CHSY3: variants seen among roughly 807,000 people sequenced by gnomAD.
CHSY3 encodes the protein N-acetylgalactosaminyl-proteoglycan 3-beta-glucuronosyltransferase 3.
A neutral mutation model predicts 67.2 loss-of-function variants in CHSY3; 35 were observed. That is an observed-to-expected ratio of 0.52 (90% CI 0.40 to 0.69). The LOEUF (loss-of-function observed/expected upper bound fraction) is 0.69, where lower values mean the gene tolerates loss of function less well. Among genes scored for constraint, CHSY3 ranks in the 30% least tolerant of loss-of-function variants. The pLI, the probability that CHSY3 is intolerant of heterozygous loss-of-function variation, is 0.00. For missense variants in CHSY3, 1,069 were observed against 1,138.5 expected (o/e 0.94, Z 0.88); for synonymous variants, 474 against 434.7 (o/e 1.09, Z -1.12).
chr5:130,177,288 G>T (rs1258023020), intron 2 of CHSY3, among the ~76,000 whole-genome samples: 2 of 150,822 alleles, frequency 1.3e-5, no homozygotes, highest in Admixed American at 1.3e-4. Context: ...AGATTCACTG[G>T]GTTTTCTGTC....
At chr5:130,127,099 C>T (rs1229786433) in intron 2 of CHSY3, among the ~76,000 whole-genome samples, 1 of 152,200 alleles carries the variant, frequency 6.6e-6, no homozygotes, top group East Asian at 1.9e-4. Flanking sequence ...TAATCTGAAT[C>T]AAACAGCAGC....
intron 2 of CHSY3, among the ~76,000 whole-genome samples, chr5:130,074,080 T>G (rs920695757): frequency 1.5e-5 from 2 of 130,742 alleles, no homozygotes; most frequent in African/African-American, 4.4e-5. Context: ...TTGTTTTTTG[T>G]TTTTTTTTGA....
intron 2 of CHSY3, among the ~76,000 whole-genome samples, chr5:129,935,856 G>A (rs1252093619): frequency 6.6e-6 from 1 of 152,152 alleles, no homozygotes; most frequent in Non-Finnish European, 1.5e-5. Flanking sequence ...AGTTTGTACA[G>A]CAAAGGGGTC....
At chr5:130,034,970 G>A (rs1388004799) in intron 2 of CHSY3, among the ~76,000 whole-genome samples, 1 of 152,060 alleles carries the variant, frequency 6.6e-6, no homozygotes, top group Non-Finnish European at 1.5e-5. Flanking sequence ...GACAGAGAAG[G>A]GAACAGAGAA....
At chr5:130,062,597 A>T (rs1765750576) in intron 2 of CHSY3, among the ~76,000 whole-genome samples, 1 of 152,124 alleles carries the variant, frequency 6.6e-6, no homozygotes, top group Non-Finnish European at 1.5e-5. Flanking sequence ...TTAAGTTCTA[A>T]GGTACATGTG....
In CHSY3 at chr5:130,185,632, G is replaced by T. The variant is rs776643555; in HGVS notation, c.2490G>T (p.Val830=). The part of the protein sequence containing the change: ...RPFRSQEVGV[V]HIFHPVHCDP... ...TCAGAAGCCAAGAAGTAGGAGTGGT[G>T]CATATTTTCCATCCAGTTCATTGTG... Residue 830 remains valine, a synonymous_variant, in exon 3 of 3, where the codon GTG becomes GTT. Coordinates refer to ENST00000305031, the MANE Select transcript of CHSY3 (RefSeq NM_175856.5). The T allele has an allele frequency of 1.2e-5, 19 of 1,614,082 alleles. No homozygotes were observed. The highest frequency in any genetic ancestry group is 3.3e-4 in the Middle Eastern group (2 of 6,062).
intron 2 of CHSY3, among the ~76,000 whole-genome samples, chr5:129,961,848 A>G (rs146210125): frequency 9.2e-5 from 14 of 152,062 alleles, no homozygotes; most frequent in East Asian, 3.9e-4. Flanking sequence ...TAACTATTTC[A>G]GATCTTCTCT....
chr5:129,922,430 A>G (rs1441333578), intron 2 of CHSY3, among the ~76,000 whole-genome samples: 3 of 152,216 alleles, frequency 2.0e-5, no homozygotes, highest in Non-Finnish European at 4.4e-5. Context: ...CATAATGGCT[A>G]TTCTAATTTA....
At chr5:130,068,795 A>G (rs1488519751) in intron 2 of CHSY3, among the ~76,000 whole-genome samples, 1 of 152,134 alleles carries the variant, frequency 6.6e-6, no homozygotes, top group Non-Finnish European at 1.5e-5. Flanking sequence ...TCTGGCTCGA[A>G]GAGCTGATCT....
chr5:129,938,230 G>A (rs1761572470), intron 2 of CHSY3, among the ~76,000 whole-genome samples: 1 of 152,218 alleles, frequency 6.6e-6, no homozygotes, highest in Non-Finnish European at 1.5e-5. Flanking sequence ...CCTGTCCCAA[G>A]GCTGCATAGA....
intron 2 of CHSY3, among the ~76,000 whole-genome samples, chr5:130,100,916 A>G (rs1465480685): frequency 6.6e-6 from 1 of 152,228 alleles, no homozygotes; most frequent in East Asian, 1.9e-4. Flanking sequence ...AAGAAATGAA[A>G]AAGCTCACCT....
intron 2 of CHSY3, among the ~76,000 whole-genome samples, chr5:129,955,950 A>G (rs1366359997): frequency 1.3e-5 from 2 of 152,156 alleles, no homozygotes; most frequent in African/African-American, 4.8e-5. Flanking sequence ...ATTGATGAAC[A>G]TTTAGGTTGA....
intron 1 of CHSY3, chr5:129,905,943 G>T: frequency 2.4e-6 from 1 of 420,092 alleles, no homozygotes. Flanking sequence ...AGGAACCTTA[G>T]AGCTAAACCA....
chr5:130,071,501 TA>T (rs1766064481), intron 2 of CHSY3, among the ~76,000 whole-genome samples: 1 of 151,502 alleles, frequency 6.6e-6, no homozygotes, highest in South Asian at 2.1e-4. Flanking sequence ...CTGCGCAAAA[TA>T]TAGCTGAGTA....
chr5:130,079,739 A>C (rs1419198201), intron 2 of CHSY3, among the ~76,000 whole-genome samples: 1 of 152,064 alleles, frequency 6.6e-6, no homozygotes, highest in African/African-American at 2.4e-5. Flanking sequence ...CTTCATAGAG[A>C]TGAAGAAACC....
intron 2 of CHSY3, among the ~76,000 whole-genome samples, chr5:130,003,193 G>A (rs1248612307): frequency 2.0e-5 from 3 of 152,192 alleles, no homozygotes; most frequent in Admixed American, 6.5e-5. Flanking sequence ...GAGTATCCAT[G>A]ATACCATAAT....
Position 129,905,648 on chromosome 5 carries a change from G to C in CHSY3, c.802+17G>C, listed in dbSNP as rs1760254711. 2 of 1,608,522 alleles carry C rather than the reference G, an allele frequency of 1.2e-6. No individual in the cohort carries two copies. The highest frequency in any genetic ancestry group is 1.7e-6 in the Non-Finnish European group (2 of 1,176,908). Reference sequence around the variant, plus strand: ...ACATCAAAGGTGACCTCCCTGCGCCGGCTTTCCAGCCTGCCAGTCTCCCCG... The same window carrying C: ...ACATCAAAGGTGACCTCCCTGCGCCCGCTTTCCAGCCTGCCAGTCTCCCCG... On this transcript the variant is annotated intron_variant, in intron 1 of 2. Transcript: ENST00000305031.
intron 2 of CHSY3, among the ~76,000 whole-genome samples, chr5:129,988,557 T>G (rs1016462763): frequency 1.9e-4 from 29 of 152,210 alleles, no homozygotes; most frequent in Admixed American, 1.1e-3. Flanking sequence ...TTATCAGTTG[T>G]GTTCACTGCT....
chr5:130,082,989 A>G (rs1177397499), intron 2 of CHSY3, among the ~76,000 whole-genome samples: 1 of 151,908 alleles, frequency 6.6e-6, no homozygotes, highest in Non-Finnish European at 1.5e-5. Flanking sequence ...CATCCTGCAC[A>G]TGTATCCCAG....
Sources: gnomAD v4.1 joint callset for allele counts (sites outside exome capture counted in the v4.1 genomes callset) on GRCh38, gnomAD v4.1.1 for gene constraint, MANE v1.5 for transcripts, NCBI Gene and HGNC (gene_info 2026-07-23, HGNC 2026-07-21) for gene names.